ACAD8: variants seen among roughly 807,000 people sequenced by gnomAD.
ACAD8 encodes the protein isobutyryl-CoA dehydrogenase, mitochondrial.
Under a neutral mutation model 53.1 loss-of-function variants are expected in ACAD8, and 47 were observed. The ratio of observed to expected loss-of-function variants is 0.89; its 90% CI spans 0.70 to 1.13. ACAD8 has a LOEUF of 1.13. Ranked by LOEUF, ACAD8 falls within the 50% of genes most tolerant of loss-of-function variation. ACAD8 has a pLI of 0.00. For synonymous variants in ACAD8, 198 were observed against 201.3 expected, an observed-to-expected ratio of 0.98 and a Z score of 0.14; for missense variants, 494 against 535.0, an observed-to-expected ratio of 0.92 and a Z score of 0.76.
At chr11:134,263,770 C>A in intron 10 of ACAD8, 1 of 985,482 alleles carries the variant, frequency 1.0e-6, no homozygotes, top group Non-Finnish European at 1.2e-6. Flanking sequence ...TTGTAGGCCA[C>A]ACCATCACCC....
At chr11:134,262,785 G>A (rs1391476507) in intron 10 of ACAD8, 163 bp downstream of exon 10, 1 of 1,498,074 alleles carries the variant, frequency 6.7e-7, no homozygotes, top group Non-Finnish European at 8.9e-7. Flanking sequence ...TTCTGGCAGG[G>A]GCCTGGAGTC....
At chr11:134,264,883 T>A in intron 10 of ACAD8, 25 bp from the exon 11 acceptor site, 1 of 1,612,122 alleles carries the variant, frequency 6.2e-7, no homozygotes, top group Non-Finnish European at 8.5e-7. Flanking sequence ...GCTGTGAAAT[T>A]CTTCCTCCTT....
chr11:134,256,756 C>G, intron 2 of ACAD8, 108 bp downstream of exon 2: 1 of 984,756 alleles, frequency 1.0e-6, no homozygotes, highest in Non-Finnish European at 1.5e-6. Context: ...CACTTACCAA[C>G]TCTTACTGCA....
At chr11:134,256,187 G>A (rs181830673) in intron 1 of ACAD8, among the ~76,000 whole-genome samples, 1 of 152,348 alleles carries the variant, frequency 6.6e-6, no homozygotes, top group East Asian at 1.9e-4. Context: ...GATTATAGGC[G>A]TGAACCATCA....
chr11:134,262,982 A>G (rs1304140085), intron 10 of ACAD8: 7 of 1,216,672 alleles, frequency 5.8e-6, no homozygotes, highest in Non-Finnish European at 7.3e-6. Flanking sequence ...AGTGATGGAC[A>G]AGGCAAATGT....
chr11:134,257,375 T>A, intron 3 of ACAD8, 118 bp downstream of exon 3: 2 of 1,320,524 alleles, frequency 1.5e-6, no homozygotes, highest in Non-Finnish European at 1.1e-6. Flanking sequence ...GAACTGGACT[T>A]AAAAGTACAC....
At position 134,256,654 on chromosome 11, in the gene ACAD8, C is replaced by T. The variant is rs148089913; in HGVS notation, c.210+6C>T. The T allele has an allele frequency of 1.8e-3, 2,985 of 1,613,606 alleles. 51 individuals carry two copies. The African/African-American group carries it at 0.034, about 18-fold the overall frequency. On this transcript the variant is annotated splice_donor_region_variant and intron_variant, in intron 2 of 10. Transcript: ENST00000281182. The stretch of plus-strand genomic sequence containing the variant: ...TGGCAGAGTGGGACCAGAAGGTAGG[C>T]GTTTTTCTTGTGCTTAGACGTTCTA...
Position 134,253,594 on chromosome 11 carries a change from G to C in ACAD8, c.-7G>C. On this transcript the variant is annotated 5_prime_UTR_variant, in exon 1 of 11. Coordinates refer to ENST00000281182, the MANE Select transcript of ACAD8 (RefSeq NM_014384.3). ...GACTCTTAGCTGAACGCGGAGCTGC[G>C]GCGGCTATGCTGTGGAGCGGCTGCC... is the stretch of plus-strand genomic sequence containing the variant. 6.3e-7 allele frequency: 1 copy of C among 1,577,512 alleles called. No homozygotes were observed. The highest frequency in any genetic ancestry group is 8.6e-7 in the Non-Finnish European group (1 of 1,164,130).
Position 134,264,174 on chromosome 11 carries a change from G to A in ACAD8, c.1196-734G>A, listed in dbSNP as rs183829564. On this transcript the variant is annotated intron_variant, in intron 10 of 10. Coordinates refer to ENST00000281182, the MANE Select transcript of ACAD8 (RefSeq NM_014384.3). Reference sequence around the variant, plus strand: ...AGCTTGGCCAACCCGGTGAAGCCCCGACTGTCTAAAATTATAAAAAGTTAG... The same window carrying A: ...AGCTTGGCCAACCCGGTGAAGCCCCAACTGTCTAAAATTATAAAAAGTTAG... The A allele has an allele frequency of 5.0e-4, 224 of 444,872 alleles. 1 individual carries two copies. Among genetic ancestry groups the A allele is most frequent in the African/African-American group, 4.3e-3 (201 of 46,446 alleles). The allele number at this position is 444,872 out of a possible 1,614,324, so 27.6% of individuals were successfully genotyped here.
intron 1 of ACAD8, among the ~76,000 whole-genome samples, chr11:134,255,367 C>T (rs868542005): frequency 6.6e-6 from 1 of 152,340 alleles, no homozygotes; most frequent in Middle Eastern, 3.4e-3. Context: ...AACTCCTGAC[C>T]TCAAGTGATC....
In ACAD8 at chr11:134,257,217, A is replaced by G. The variant is rs935057058; in HGVS notation, c.340A>G (p.Thr114Ala). Residue 114 changes from threonine to alanine, a missense_variant, in exon 3 of 11, where the codon ACA becomes GCA. Thr to Ala is a moderately conservative substitution (Grantham distance 58, BLOSUM62 0). Coordinates refer to ENST00000281182, the MANE Select transcript of ACAD8 (RefSeq NM_014384.3). ...DTSVIFEALA[T>A]GCTSTTAYIS... ...CTCTGTCATTTTTGAAGCCTTGGCT[A>G]CAGGCTGCACCAGCACCACAGCCTA... 22 of 1,614,208 alleles carry G rather than the reference A, an allele frequency of 1.4e-5. No individual in the cohort carries two copies. Among genetic ancestry groups the G allele is most frequent in the Non-Finnish European group, 1.9e-5 (22 of 1,180,034 alleles).
chr11:134,253,590 C>T lies in ACAD8; in HGVS notation c.-11C>T, dbSNP rs776646872. 1.3e-6 allele frequency: 2 copies of T among 1,573,682 alleles called. No homozygotes were observed. The highest frequency in any genetic ancestry group is 1.7e-6 in the Non-Finnish European group (2 of 1,162,312). On this transcript the variant is annotated 5_prime_UTR_variant, in exon 1 of 11. Transcript: ENST00000281182. ...TTCAGACTCTTAGCTGAACGCGGAG[C>T]TGCGGCGGCTATGCTGTGGAGCGGC... is the stretch of plus-strand genomic sequence containing the variant.
At chr11:134,260,115 G>C in intron 6 of ACAD8, 1 of 1,177,450 alleles carries the variant, frequency 8.5e-7, no homozygotes, top group Non-Finnish European at 1.1e-6. Context: ...AATGGAAGGC[G>C]TGTGGTCCCT....
intron 10 of ACAD8, 110 bp from the exon 11 acceptor site, chr11:134,264,798 G>A: frequency 2.1e-6 from 2 of 935,188 alleles, no homozygotes; most frequent in South Asian, 2.6e-5. Flanking sequence ...AATGATTGTA[G>A]TTTAAATCTG....
At chr11:134,262,275 A>G in intron 9 of ACAD8, 1 of 659,372 alleles carries the variant, frequency 1.5e-6, no homozygotes, top group South Asian at 1.5e-5. Flanking sequence ...TCTGCCTGGC[A>G]GGTAATAAGG....
At position 134,265,407 on chromosome 11, in the gene ACAD8, C is replaced by T. The variant is rs1199681230; in HGVS notation, c.*447C>T. 3.3e-5 allele frequency: 6 copies of T among 179,876 alleles called. No homozygotes were observed. Among genetic ancestry groups the T allele is most frequent in the South Asian group, 2.7e-4 (2 of 7,490 alleles). The allele number at this position is 179,876 out of a possible 1,614,324, so 11.1% of individuals were successfully genotyped here. A position where few individuals can be genotyped will look rare whatever the true frequency, so the allele number is the denominator to read the frequency against. ...TGGAGGAATGCCCTCCTGTCTGTGT[C>T]GTTCTCTGTGCCACAGCTACAGATG... On this transcript the variant is annotated 3_prime_UTR_variant, in exon 11 of 11. Transcript: ENST00000281182.
Position 134,261,742 on chromosome 11 carries a change from T to C in ACAD8, c.944T>C (p.Leu315Ser). Residue 315 changes from leucine to serine, a missense_variant, in exon 9 of 11, where the codon TTG becomes TCG. Coordinates refer to ENST00000281182, the MANE Select transcript of ACAD8 (RefSeq NM_014384.3). The surrounding 1 kb of genome is among the most constrained non-coding windows in gnomAD (Gnocchi z 4.2). ...TCTCTGCTCCCTGTGCTGCAGTACT[T>C]GCAATTCACACTGGCTGATATGGCA... ...FGEPLASNQY[L>S]QFTLADMATR... is the part of the protein sequence containing the mutation. 6.2e-7 allele frequency: 1 copy of C among 1,613,676 alleles called. No homozygotes were observed. Among genetic ancestry groups the C allele is most frequent in the Non-Finnish European group, 8.5e-7 (1 of 1,180,026 alleles).
intron 10 of ACAD8, chr11:134,264,123 T>G (rs1228018884): frequency 1.1e-6 from 1 of 893,362 alleles, no homozygotes; most frequent in Admixed American, 6.2e-5. Context: ...GGCGGGTGGA[T>G]CGCGTGAGGC....
At chr11:134,262,899 A>C in intron 10 of ACAD8, 9 of 1,338,104 alleles carry the variant, frequency 6.7e-6, no homozygotes, top group Non-Finnish European at 8.8e-6. Flanking sequence ...ATGGATGAGA[A>C]AGCATGTTGA....
Sources: gnomAD v4.1 joint callset for allele counts (sites outside exome capture counted in the v4.1 genomes callset) on GRCh38, gnomAD v4.1.1 for gene constraint, Gnocchi (gnomAD v3.1) non-coding constraint, MANE v1.5 for transcripts, NCBI Gene and HGNC (gene_info 2026-07-23, HGNC 2026-07-21) for gene names.